HK1: variants seen among roughly 807,000 people sequenced by gnomAD.
HK1 encodes the protein hexokinase 1, also known as hexokinase-1.
A neutral mutation model predicts 91.6 loss-of-function variants in HK1; 28 were observed. The observed-to-expected ratio is 0.31, with a 90% confidence interval of 0.23 to 0.42. The LOEUF is 0.42. Among genes scored for constraint, HK1 ranks in the 10% least tolerant of loss-of-function variants. HK1 has a pLI of 1.00. For synonymous variants in HK1, 430 were observed against 468.1 expected (o/e 0.92, Z 1.05); for missense variants, 770 against 1,219.8 (o/e 0.63, Z 5.49).
intron 17 of HK1, among the ~76,000 whole-genome samples, chr10:69,399,184 A>G (rs574704228): frequency 5.3e-5 from 8 of 152,114 alleles, no homozygotes; most frequent in Non-Finnish European, 8.8e-5. Flanking sequence ...GCCAGGCCAG[A>G]GGCTCTGTTG....
intron 14 of HK1, among the ~76,000 whole-genome samples, chr10:69,391,752 A>G (rs1439564834): frequency 6.6e-6 from 1 of 152,214 alleles, no homozygotes; most frequent in African/African-American, 2.4e-5. Context: ...TCATGTGTGC[A>G]TGATGTTGTG....
Position 69,329,037 on chromosome 10 carries a change from T to A in HK1, c.63+10027T>A, listed in dbSNP as rs190793329. Among the ~76,000 whole-genome samples the A allele has an allele frequency of 5.3e-5, 8 of 152,344 alleles. No individual in the cohort carries two copies. In the East Asian group the frequency reaches 1.5e-3, roughly 29 times the overall value. On this transcript the variant is annotated intron_variant, in intron 1 of 17. Transcript: ENST00000359426. ...ATTCCATTGTATTTATCTACTACAT[T>A]TTGTTTTTCCATTTGTCAGTTGATG...
chr10:69,300,885 C>A, intron 5 of HK1: 1 of 1,132,280 alleles, frequency 8.8e-7, no homozygotes, highest in Non-Finnish European at 1.3e-6. Context: ...CCTGGAATAC[C>A]CACAAAAACC....
chr10:69,393,943 G>T (rs1228424495), intron 15 of HK1, among the ~76,000 whole-genome samples: 1 of 152,176 alleles, frequency 6.6e-6, no homozygotes, highest in Non-Finnish European at 1.5e-5. Flanking sequence ...AAAAAGCGGG[G>T]GGATCAGCAA....
intron 2 of HK1, among the ~76,000 whole-genome samples, chr10:69,287,447 G>A (rs1347042879): frequency 6.6e-6 from 1 of 152,148 alleles, no homozygotes; most frequent in Non-Finnish European, 1.5e-5. Flanking sequence ...AATGAGATGT[G>A]GGTTGGGACA....
Position 69,392,201 on chromosome 10 carries a change from C to G in HK1, c.2112C>G (p.Cys704Trp). 6.2e-7 allele frequency: 1 copy of G among 1,614,166 alleles called. No individual in the cohort carries two copies. The highest frequency in any genetic ancestry group is 8.5e-7 in the Non-Finnish European group (1 of 1,180,026). Residue 704 changes from cysteine (C) to tryptophan (W), a missense_variant, in exon 15 of 18, where the codon TGC (cysteine) becomes TGG (tryptophan). Coordinates refer to ENST00000359426, the MANE Select transcript of HK1 (RefSeq NM_000188.3). ...TGGAGGGGGACCAGGGGCAGATGTG[C>G]ATCAACATGGAGTGGGGGGCCTTTG... ...EMVEGDQGQM[C>W]INMEWGAFGD...
chr10:69,338,756 T>A (rs919851056), intron 1 of HK1: 15 of 1,171,382 alleles, frequency 1.3e-5, no homozygotes, highest in African/African-American at 1.6e-5. Flanking sequence ...TGTGTGTGTG[T>A]GAGAGATTGT....
chr10:69,288,633 C>T (rs1472179157), intron 2 of HK1: 6 of 977,162 alleles, frequency 6.1e-6, no homozygotes, highest in African/African-American at 1.6e-5. Context: ...ACCGACAATC[C>T]TCTGACCCTG....
chr10:69,396,566 G>T (rs1840153543), intron 16 of HK1, among the ~76,000 whole-genome samples: 1 of 140,442 alleles, frequency 7.1e-6, no homozygotes, highest in Non-Finnish European at 1.5e-5. Flanking sequence ...GACAACTCTG[G>T]ATACTTCATA....
chr10:69,399,660 C>T (rs1364646347), intron 17 of HK1, among the ~76,000 whole-genome samples: 3 of 152,094 alleles, frequency 2.0e-5, no homozygotes, highest in Non-Finnish European at 2.9e-5. Flanking sequence ...AGGCATCTGA[C>T]CCCCCATGCC....
In HK1 at chr10:69,385,496, G is replaced by C. The variant is rs184212110; in HGVS notation, c.1839+581G>C. Among the ~76,000 whole-genome samples the C allele has an allele frequency of 1.9e-3, 286 of 152,316 alleles. 1 individual carries two copies. The highest frequency in any genetic ancestry group is 6.4e-3 in the African/African-American group (265 of 41,568). On this transcript the variant is annotated intron_variant, in intron 12 of 17. Coordinates refer to ENST00000359426, the MANE Select transcript of HK1 (RefSeq NM_000188.3). ...ACACCAGCAGCTCCAGCTCCATGCT[G>C]TCAGGGCTGGGGAGTGGATTCTGGG...
At chr10:69,348,767 G>A (rs1010490562) in intron 2 of HK1, among the ~76,000 whole-genome samples, 2 of 151,584 alleles carry the variant, frequency 1.3e-5, no homozygotes, top group African/African-American at 4.9e-5. Flanking sequence ...CTGAGATCAC[G>A]CCACTGCACT....
At chr10:69,295,564 T>A in intron 3 of HK1, 1 of 1,011,152 alleles carries the variant, frequency 9.9e-7, no homozygotes, top group Non-Finnish European at 1.6e-6. Context: ...GTTATAAGCA[T>A]CAATATGTTG....
intron 7 of HK1, among the ~76,000 whole-genome samples, chr10:69,372,646 A>C (rs11596868): frequency 1.1e-4 from 17 of 152,130 alleles, no homozygotes; most frequent in Non-Finnish European, 2.5e-4. Flanking sequence ...TGAGGTTTTC[A>C]GAGTGAGCTT....
intron 1 of HK1, among the ~76,000 whole-genome samples, chr10:69,326,339 T>C (rs145569600): frequency 3.3e-5 from 5 of 152,132 alleles, no homozygotes; most frequent in Non-Finnish European, 7.3e-5. Context: ...ACAGGAAGTA[T>C]TATTCCCGGG....
upstream of HK1, chr10:69,318,278 C>A (rs1846764521): frequency 5.2e-6 from 5 of 962,018 alleles, no homozygotes; most frequent in South Asian, 1.9e-4. Flanking sequence ...GCGCGGGACC[C>A]GGGTGCGAGG....
intron 1 of HK1, among the ~76,000 whole-genome samples, chr10:69,325,161 C>G (rs1408222954): frequency 6.7e-6 from 1 of 149,594 alleles, no homozygotes; most frequent in African/African-American, 2.5e-5. Context: ...TCGCCATTCT[C>G]CTGCCTCAGC....
chr10:69,339,118 C>T (rs925924274), intron 1 of HK1, among the ~76,000 whole-genome samples: 6 of 152,000 alleles, frequency 3.9e-5, no homozygotes, highest in African/African-American at 1.5e-4. Context: ...GTGCTGGGTT[C>T]TCTGGGCCCC....
chr10:69,398,081 C>T (rs924659141), intron 16 of HK1, among the ~76,000 whole-genome samples: 1 of 152,204 alleles, frequency 6.6e-6, no homozygotes, highest in African/African-American at 2.4e-5. Flanking sequence ...ATCAGAATTG[C>T]ACACAAAGAT....
Sources: allele counts gnomAD v4.1 joint callset (sites outside exome capture counted in the v4.1 genomes callset), GRCh38; gene constraint gnomAD v4.1.1; transcripts MANE v1.5; gene names NCBI Gene and HGNC (gene_info 2026-07-23, HGNC 2026-07-21).